Variants in XXYLT1 observed in about 807,000 individuals in gnomAD.
XXYLT1 encodes xyloside xylosyltransferase 1.
In XXYLT1, 20 loss-of-function variants were observed where a neutral mutation model predicts 28.9. The observed-to-expected ratio is 0.69, with a 90% CI of 0.49 to 1.00. The LOEUF (loss-of-function observed/expected upper bound fraction) is 1.00, where lower values mean the gene tolerates loss of function less well. XXYLT1 is among the 50% of genes least tolerant of loss of function. The pLI, the probability that XXYLT1 is intolerant of heterozygous loss-of-function variation, is 0.00. For synonymous variants in XXYLT1, 257 were observed against 253.8 expected (o/e 1.01, Z -0.12); for missense variants, 542 against 560.1 (o/e 0.97, Z 0.33).
chr3:195,181,283 G>GGGGC (rs1560138849), intron 2 of XXYLT1, among the ~76,000 whole-genome samples: 44 of 152,280 alleles, frequency 2.9e-4, no homozygotes, highest in African/African-American at 1.0e-3. Context: ...GCGTGGCTGC[G>GGGGC]TGGCTGCGGG....
intron 3 of XXYLT1, among the ~76,000 whole-genome samples, chr3:195,096,433 C>T (rs767530418): frequency 5.3e-4 from 81 of 152,298 alleles, no homozygotes; most frequent in Non-Finnish European, 1.0e-3. Flanking sequence ...ACGACCATGC[C>T]CATGTGCACT....
At chr3:195,238,639 G>A (rs1480463037) in intron 1 of XXYLT1, among the ~76,000 whole-genome samples, 4 of 152,162 alleles carry the variant, frequency 2.6e-5, no homozygotes, top group African/African-American at 9.7e-5. Flanking sequence ...GCTTCCTGTG[G>A]TGTCTGTCAG....
At position 195,240,700 on chromosome 3, in the gene XXYLT1, C is replaced by T. The variant is rs1197643118; in HGVS notation, c.505-13844G>A. 1.3e-5 allele frequency among the ~76,000 whole-genome samples: 2 copies of T among 152,232 alleles called. No homozygotes were observed. Among genetic ancestry groups the T allele is most frequent in the East Asian group, 1.9e-4 (1 of 5,194 alleles). Reference sequence around the variant, plus strand: ...TCCCCATGCGCCGCCAGAGACCATCCCCCAGCACAGCTATTGGAGGGAAGG... The same window carrying T: ...TCCCCATGCGCCGCCAGAGACCATCTCCCAGCACAGCTATTGGAGGGAAGG... On this transcript the variant is annotated intron_variant, in intron 1 of 3. Coordinates refer to ENST00000310380, the MANE Select transcript of XXYLT1 (RefSeq NM_152531.5). This position sits in a 1 kb window ranked among gnomAD's most constrained non-coding sequence, Gnocchi z 4.7.
At chr3:195,156,120 G>C (rs7644678) in intron 3 of XXYLT1, among the ~76,000 whole-genome samples, 61,745 of 152,112 alleles carry the variant, frequency 0.41, 14,795 homozygotes, top group East Asian at 0.84. Context: ...CAGCTGGTCA[G>C]TAGAAGGGAA....
chr3:195,190,763 G>A (rs1217447564), intron 2 of XXYLT1, among the ~76,000 whole-genome samples: 1 of 151,900 alleles, frequency 6.6e-6, no homozygotes, highest in East Asian at 1.9e-4. Flanking sequence ...AGTATGGAAG[G>A]GGGAAAGAAT....
At chr3:195,132,743 C>T (rs979260287) in intron 3 of XXYLT1, among the ~76,000 whole-genome samples, 1 of 152,174 alleles carries the variant, frequency 6.6e-6, no homozygotes, top group East Asian at 1.9e-4. Context: ...GCAACTGACA[C>T]CTACCAGCCA....
chr3:195,077,410 G>T lies in XXYLT1; in HGVS notation c.786-7299C>A, dbSNP rs1051868586. Among the ~76,000 whole-genome samples the T allele has an allele frequency of 2.0e-5, 3 of 152,180 alleles. No individual in the cohort carries two copies. The highest frequency in any genetic ancestry group is 7.2e-5 in the African/African-American group (3 of 41,450). On this transcript the variant is annotated intron_variant, in intron 3 of 3. Transcript: ENST00000310380. This position sits in a 1 kb window ranked among gnomAD's most constrained non-coding sequence, Gnocchi z 4.8. ...ACCCTGCCCAGCAGCGTGCCCTGAGGAGCAGCCCTGCCTGTCCCTGTAGGT... is the reference window on the plus strand; with the variant it reads ...ACCCTGCCCAGCAGCGTGCCCTGAGTAGCAGCCCTGCCTGTCCCTGTAGGT...
intron 3 of XXYLT1, among the ~76,000 whole-genome samples, chr3:195,131,609 T>A (rs1718909840): frequency 1.3e-5 from 2 of 152,326 alleles, no homozygotes; most frequent in African/African-American, 2.4e-5. Flanking sequence ...AAGTCAACAA[T>A]GCAAGCAACA....
chr3:195,071,228 G>C (rs927889302), intron 3 of XXYLT1, among the ~76,000 whole-genome samples: 1 of 152,184 alleles, frequency 6.6e-6, no homozygotes, highest in Admixed American at 6.5e-5. Flanking sequence ...TCCTCACGGG[G>C]AGGACACATC....
At chr3:195,236,185 T>C (rs922172656) in intron 1 of XXYLT1, among the ~76,000 whole-genome samples, 7 of 152,162 alleles carry the variant, frequency 4.6e-5, no homozygotes, top group African/African-American at 1.7e-4. Flanking sequence ...TTAAGGGCAG[T>C]GAGTTCTCTT....
chr3:195,179,504 G>T (rs1721843115), intron 2 of XXYLT1, among the ~76,000 whole-genome samples: 3 of 152,078 alleles, frequency 2.0e-5, no homozygotes, highest in Admixed American at 2.0e-4. Context: ...TCAAGAACTG[G>T]TTTTCAGTCA....
intron 3 of XXYLT1, among the ~76,000 whole-genome samples, chr3:195,104,267 C>T (rs951619560): frequency 6.7e-6 from 1 of 149,998 alleles, no homozygotes; most frequent in African/African-American, 2.5e-5. Flanking sequence ...AGGGCAGATG[C>T]CATGAGAGGA....
chr3:195,254,572 C>A (rs941225699), intron 1 of XXYLT1, among the ~76,000 whole-genome samples: 5 of 152,234 alleles, frequency 3.3e-5, no homozygotes, highest in African/African-American at 1.2e-4. Flanking sequence ...GGAACCTGGG[C>A]ATCCAGGCAA....
intron 2 of XXYLT1, among the ~76,000 whole-genome samples, chr3:195,157,803 G>A (rs764847518): frequency 3.9e-5 from 6 of 151,944 alleles, no homozygotes; most frequent in Non-Finnish European, 8.8e-5. Context: ...CCTGGTACCC[G>A]GCCTGGGAAT....
At chr3:195,207,373 A>T (rs1259679340) in intron 2 of XXYLT1, 2 of 425,984 alleles carry the variant, frequency 4.7e-6, no homozygotes, top group Non-Finnish European at 9.5e-6. Context: ...TCTTCAACAG[A>T]GGGTTTGGAG....
intron 3 of XXYLT1, among the ~76,000 whole-genome samples, chr3:195,075,960 G>A (rs1326288223): frequency 6.6e-6 from 1 of 151,980 alleles, no homozygotes; most frequent in African/African-American, 2.4e-5. Context: ...TGGGGCACCG[G>A]GCCCCACAGA....
intron 3 of XXYLT1, among the ~76,000 whole-genome samples, chr3:195,083,095 A>G (rs886472156): frequency 2.6e-5 from 4 of 152,176 alleles, no homozygotes; most frequent in African/African-American, 7.2e-5. Context: ...AACAGGATAG[A>G]GCGCCCGGCC....
chr3:195,138,408 A>T (rs1214281305), intron 3 of XXYLT1, among the ~76,000 whole-genome samples: 1 of 152,192 alleles, frequency 6.6e-6, no homozygotes, highest in Non-Finnish European at 1.5e-5. Flanking sequence ...TAATAAGGTC[A>T]TAGCCTTGCA....
intron 2 of XXYLT1, among the ~76,000 whole-genome samples, chr3:195,193,455 C>A (rs1560145223): frequency 1.3e-5 from 2 of 152,164 alleles, no homozygotes; most frequent in Non-Finnish European, 2.9e-5. Context: ...AGCCTCAACA[C>A]CGTCAAGATG....
Sources: gnomAD v4.1 joint callset for allele counts (sites outside exome capture counted in the v4.1 genomes callset) on GRCh38, gnomAD v4.1.1 for gene constraint, Gnocchi (gnomAD v3.1) non-coding constraint, MANE v1.5 for transcripts, NCBI Gene and HGNC (gene_info 2026-07-23, HGNC 2026-07-21) for gene names.